NTNG2: variants seen among roughly 807,000 people sequenced by gnomAD.
NTNG2 encodes the protein netrin-G2.
Under a neutral mutation model 47.6 loss-of-function variants are expected in NTNG2, and 15 were observed. The observed-to-expected ratio is 0.32, with a 90% CI of 0.21 to 0.49. The LOEUF is 0.49. Ranked by LOEUF, NTNG2 falls within the 20% of genes least tolerant of loss-of-function variation. The pLI, the probability that NTNG2 is intolerant of heterozygous loss-of-function variation, is 0.99. For missense variants in NTNG2, 578 were observed against 764.6 expected (o/e 0.76, Z 2.88); for synonymous variants, 307 against 324.6 (o/e 0.95, Z 0.58).
intron 2 of NTNG2, among the ~76,000 whole-genome samples, chr9:132,168,632 C>T (rs541884660): frequency 2.6e-5 from 4 of 152,066 alleles, no homozygotes; most frequent in South Asian, 2.1e-4. Flanking sequence ...ATAACTGCCC[C>T]GGGGACCGCA....
At chr9:132,207,320 G>A (rs906809354) in intron 3 of NTNG2, among the ~76,000 whole-genome samples, 4 of 152,158 alleles carry the variant, frequency 2.6e-5, no homozygotes, top group Non-Finnish European at 4.4e-5. Context: ...AGCTGGCTTC[G>A]CTGTGGAACC....
At chr9:132,214,022 T>G (rs1218882598) in intron 3 of NTNG2, among the ~76,000 whole-genome samples, 1 of 152,144 alleles carries the variant, frequency 6.6e-6, no homozygotes, top group Non-Finnish European at 1.5e-5. Flanking sequence ...CCGTGAACAC[T>G]CTGAAATCCC....
intron 4 of NTNG2, among the ~76,000 whole-genome samples, chr9:132,230,095 C>A (rs1387087040): frequency 2.6e-5 from 4 of 152,376 alleles, no homozygotes; most frequent in Non-Finnish European, 4.4e-5. Context: ...GTGCCTGGCA[C>A]GTGGGACGCA....
intron 3 of NTNG2, among the ~76,000 whole-genome samples, chr9:132,216,408 CTCTCTCTG>C (rs1839979498): frequency 2.1e-5 from 2 of 94,530 alleles, no homozygotes; most frequent in Non-Finnish European, 2.0e-5. Flanking sequence ...CTCTCTCTCT[CTCTCTCTG>C]TGTGTGTGTG....
At chr9:132,183,013 C>T (rs563380288) in intron 2 of NTNG2, among the ~76,000 whole-genome samples, 1 of 152,220 alleles carries the variant, frequency 6.6e-6, no homozygotes, top group Non-Finnish European at 1.5e-5. Flanking sequence ...GAAACCTCTC[C>T]CAGGCCTGCC....
chr9:132,185,843 AGGAGGAGGAGGAGTG>A (rs1837327171), intron 2 of NTNG2, among the ~76,000 whole-genome samples: 1 of 130,470 alleles, frequency 7.7e-6, no homozygotes, highest in East Asian at 2.2e-4. Flanking sequence ...GAGGAGTGGG[AGGAGGAGGAGGAGTG>A]GGAGGAGGAG....
intron 2 of NTNG2, among the ~76,000 whole-genome samples, chr9:132,178,532 G>A (rs955470662): frequency 7.2e-5 from 11 of 152,166 alleles, no homozygotes; most frequent in East Asian, 5.8e-4. Flanking sequence ...AATTGACTGC[G>A]CCCAGGAAAG....
chr9:132,163,601 G>C lies in NTNG2; in HGVS notation c.-484+1362G>C, dbSNP rs991922596. ...CCCTCTGCCGCCCCTGCCGAGGAGG[G>C]AGAGGGAACCCCGGGGTGGGCTGAG... is the stretch of plus-strand genomic sequence containing the variant. On this transcript the variant is annotated intron_variant, in intron 1 of 7. Coordinates refer to ENST00000393229, the MANE Select transcript of NTNG2 (RefSeq NM_032536.4). The surrounding 1 kb of genome is among the most constrained non-coding windows in gnomAD (Gnocchi z 7.2). Among the ~76,000 whole-genome samples the C allele has an allele frequency of 4.6e-5, 7 of 152,124 alleles. No homozygotes were observed. Among genetic ancestry groups the C allele is most frequent in the Non-Finnish European group, 1.0e-4 (7 of 68,002 alleles).
At chr9:132,230,537 G>A (rs1488139016) in intron 4 of NTNG2, 35 bp from the exon 5 acceptor site, 2 of 1,590,172 alleles carry the variant, frequency 1.3e-6, no homozygotes, top group Non-Finnish European at 1.7e-6. Context: ...CCCTTCCCCT[G>A]GGGCAGCCAG....
intron 3 of NTNG2, among the ~76,000 whole-genome samples, chr9:132,200,784 C>T (rs1838687470): frequency 6.6e-6 from 1 of 152,202 alleles, no homozygotes. Flanking sequence ...ATCTCTAACC[C>T]ACCTCCAATT....
In NTNG2 at chr9:132,215,457, GT is replaced by G. The variant is rs1208420645; in HGVS notation, c.858-11391del. Among the ~76,000 whole-genome samples, 1 of 147,802 alleles carries G rather than the reference GT, an allele frequency of 6.8e-6. No individual in the cohort carries two copies. Among genetic ancestry groups the G allele is most frequent in the Non-Finnish European group, 1.5e-5 (1 of 67,094 alleles). On this transcript the variant is annotated intron_variant, in intron 3 of 7. Coordinates refer to ENST00000393229, the MANE Select transcript of NTNG2 (RefSeq NM_032536.4). The surrounding 1 kb of genome is among the most constrained non-coding windows in gnomAD (Gnocchi z 4.2). ...TAGCCGGGTGTGGTGGCGGGCGCCT[GT>G]AATCCCAGCTACTCGGGAGGCTGAG...
intron 5 of NTNG2, among the ~76,000 whole-genome samples, chr9:132,235,232 G>T (rs1274863300): frequency 6.6e-6 from 1 of 152,224 alleles, no homozygotes; most frequent in Non-Finnish European, 1.5e-5. Flanking sequence ...ACACATGTAA[G>T]ATCTTGGCCG....
Position 132,208,838 on chromosome 9 carries a change from C to G in NTNG2, c.857+10229C>G, listed in dbSNP as rs573652649. Among the ~76,000 whole-genome samples, 3 of 151,980 alleles carry G rather than the reference C, an allele frequency of 2.0e-5. No individual in the cohort carries two copies. The East Asian group carries it at 5.8e-4, about 29-fold the overall frequency. On this transcript the variant is annotated intron_variant, in intron 3 of 7. Coordinates refer to ENST00000393229, the MANE Select transcript of NTNG2 (RefSeq NM_032536.4). This position sits in a 1 kb window ranked among gnomAD's most constrained non-coding sequence, Gnocchi z 4.0. ...AGAGTCATGCAACCACCACCACAGC[C>G]TGGGCCCACAACAGCCCGTCTCTCC...
chr9:132,166,552 G>T lies in NTNG2; in HGVS notation c.-280G>T. ...TTTGATCAGATTCACCTCCAGGGGAGGTGTGATACCAGGGTTAGGAGGACG... is the reference window on the plus strand; with the variant it reads ...TTTGATCAGATTCACCTCCAGGGGATGTGTGATACCAGGGTTAGGAGGACG... On this transcript the variant is annotated 5_prime_UTR_variant, in exon 2 of 8. The change creates a new upstream start codon in the 5' untranslated region. Coordinates refer to ENST00000393229, the MANE Select transcript of NTNG2 (RefSeq NM_032536.4). 4.2e-6 allele frequency: 2 copies of T among 478,102 alleles called. No homozygotes were observed. Among genetic ancestry groups the T allele is most frequent in the Non-Finnish European group, 7.7e-6 (2 of 259,898 alleles). The allele number at this position is 478,102 out of a possible 1,614,324, so 29.6% of individuals were successfully genotyped here. A position where few individuals can be genotyped will look rare whatever the true frequency, so the allele number is the denominator to read the frequency against.
At chr9:132,169,926 G>A (rs1285420526) in intron 2 of NTNG2, among the ~76,000 whole-genome samples, 1 of 152,220 alleles carries the variant, frequency 6.6e-6, no homozygotes, top group Non-Finnish European at 1.5e-5. Context: ...GGAAGATGCA[G>A]GCTGGGGGAG....
chr9:132,229,938 C>T (rs1249803013), intron 4 of NTNG2, among the ~76,000 whole-genome samples: 1 of 152,240 alleles, frequency 6.6e-6, no homozygotes, highest in Admixed American at 6.5e-5. Flanking sequence ...CACAGAGACA[C>T]ACCTGGATTC....
At chr9:132,169,994 T>G (rs748359192) in intron 2 of NTNG2, among the ~76,000 whole-genome samples, 1 of 152,180 alleles carries the variant, frequency 6.6e-6, no homozygotes, top group Non-Finnish European at 1.5e-5. Context: ...GGCGCCCTAA[T>G]GGCGGCCAGA....
rs1030112455 is a variant in NTNG2, at chr9:132,163,372, G to A, written c.-484+1133G>A. On this transcript the variant is annotated intron_variant, in intron 1 of 7. Coordinates refer to ENST00000393229, the MANE Select transcript of NTNG2 (RefSeq NM_032536.4). This position sits in a 1 kb window ranked among gnomAD's most constrained non-coding sequence, Gnocchi z 7.2. ...CCAACTTTCCAGGGCTCCCGCGGGC[G>A]GGGACCCAGGGGCCGGATAAAGGGC... is the stretch of plus-strand genomic sequence containing the variant. 3.3e-5 allele frequency among the ~76,000 whole-genome samples: 5 copies of A among 151,456 alleles called. No individual in the cohort carries two copies. The highest frequency in any genetic ancestry group is 4.8e-5 in the African/African-American group (2 of 41,250).
intron 7 of NTNG2, chr9:132,241,554 C>T (rs1243440762): frequency 5.3e-6 from 2 of 376,820 alleles, no homozygotes; most frequent in Non-Finnish European, 9.6e-6. Flanking sequence ...GCGTTAGCCG[C>T]GGGCACAGGG....
Sources: allele counts gnomAD v4.1 joint callset (sites outside exome capture counted in the v4.1 genomes callset), GRCh38; gene constraint gnomAD v4.1.1; non-coding constraint Gnocchi (gnomAD v3.1); transcripts MANE v1.5; gene names NCBI Gene and HGNC (gene_info 2026-07-23, HGNC 2026-07-21).